The following PPM1B variants were observed in gnomAD, a reference collection of about 807,000 sequenced individuals.
PPM1B encodes protein phosphatase 1B.
A neutral mutation model predicts 43.0 loss-of-function variants in PPM1B; 22 were observed. The ratio of observed to expected loss-of-function variants is 0.51; its 90% CI spans 0.37 to 0.73. The LOEUF (loss-of-function observed/expected upper bound fraction) is 0.73. PPM1B is among the 30% of genes least tolerant of loss of function. The pLI, the probability that PPM1B is intolerant of heterozygous loss-of-function variation, is 0.00. For synonymous variants in PPM1B, 217 were observed against 197.9 expected (o/e 1.10, Z -0.81); for missense variants, 632 against 584.2 (o/e 1.08, Z -0.84).
At chr2:44,229,908 A>T in intron 5 of PPM1B, 1 of 1,254,042 alleles carries the variant, frequency 8.0e-7, no homozygotes. Context: ...AGTAAATACA[A>T]TTTTTATCCG....
chr2:44,177,541 C>T (rs1046268807), intron 1 of PPM1B, among the ~76,000 whole-genome samples: 4 of 151,308 alleles, frequency 2.6e-5, no homozygotes, highest in African/African-American at 4.9e-5. Context: ...GTCTCAGCCT[C>T]GTGAGTAGCT....
downstream of PPM1B, among the ~76,000 whole-genome samples, chr2:44,231,632 A>G (rs2104279996): frequency 6.6e-6 from 1 of 152,276 alleles, no homozygotes; most frequent in South Asian, 2.1e-4. Context: ...ATATTAAAAT[A>G]TATGTGTTGC....
intron 1 of PPM1B, among the ~76,000 whole-genome samples, chr2:44,199,027 G>T (rs1229981840): frequency 6.6e-6 from 1 of 152,038 alleles, no homozygotes; most frequent in African/African-American, 2.4e-5. Context: ...GGGAGGCCGA[G>T]GTGGGCAGAT....
downstream of PPM1B, among the ~76,000 whole-genome samples, chr2:44,245,098 C>T (rs1362123752): frequency 1.3e-5 from 2 of 152,026 alleles, no homozygotes; most frequent in Non-Finnish European, 2.9e-5. Context: ...ATTTTCTAGG[C>T]GCTTTCACAC....
At chr2:44,222,983 AC>A (rs1670043627) in intron 5 of PPM1B, among the ~76,000 whole-genome samples, 1 of 152,026 alleles carries the variant, frequency 6.6e-6, no homozygotes, top group African/African-American at 2.4e-5. Context: ...GGCACACAGC[AC>A]CACACTCGGC....
downstream of PPM1B, among the ~76,000 whole-genome samples, chr2:44,244,754 A>G (rs1670822840): frequency 6.7e-6 from 1 of 149,066 alleles, no homozygotes; most frequent in Admixed American, 6.7e-5. Flanking sequence ...CTTATATATT[A>G]GACCTTTTTT....
intron 1 of PPM1B, among the ~76,000 whole-genome samples, chr2:44,177,001 A>G (rs1667613090): frequency 6.6e-6 from 1 of 152,160 alleles, no homozygotes; most frequent in South Asian, 2.1e-4. Flanking sequence ...GCTGGTCTCA[A>G]ACTCCTGACC....
At chr2:44,243,433 C>A (rs1670793370) in intron 5 of PPM1B, among the ~76,000 whole-genome samples, 1 of 152,124 alleles carries the variant, frequency 6.6e-6, no homozygotes, top group Non-Finnish European at 1.5e-5. Context: ...GTTTCATCAA[C>A]CTTCAGTTGC....
chr2:44,183,533 A>G (rs1349125728), intron 1 of PPM1B, among the ~76,000 whole-genome samples: 1 of 152,220 alleles, frequency 6.6e-6, no homozygotes, highest in East Asian at 1.9e-4. Flanking sequence ...ACCTAAAACC[A>G]GAGGAAGCCA....
downstream of PPM1B, chr2:44,231,556 T>C (rs1172815599): frequency 2.9e-6 from 2 of 688,202 alleles, no homozygotes; most frequent in African/African-American, 3.9e-5. Flanking sequence ...GAAATTCATT[T>C]GTATTTATAT....
chr2:44,240,139 C>G (rs1205620331), intron 5 of PPM1B, among the ~76,000 whole-genome samples: 1 of 145,784 alleles, frequency 6.9e-6, no homozygotes, highest in African/African-American at 2.5e-5. Flanking sequence ...TCCCAAAGTA[C>G]TGGGAGTACA....
At chr2:44,212,322 C>T (rs1295129802) in intron 3 of PPM1B, among the ~76,000 whole-genome samples, 2 of 152,176 alleles carry the variant, frequency 1.3e-5, no homozygotes, top group African/African-American at 4.8e-5. Flanking sequence ...GTCAACCCAA[C>T]AAATCTGTCA....
chr2:44,171,544 T>C (rs967087472), intron 1 of PPM1B, among the ~76,000 whole-genome samples: 2 of 152,154 alleles, frequency 1.3e-5, no homozygotes, highest in Admixed American at 6.6e-5. Context: ...AAAGAGGCTA[T>C]ATAGGCCAGG....
Position 44,228,226 on chromosome 2 carries a change from C to T in PPM1B, c.1135-2187C>T, listed in dbSNP as rs1338079932. Among the ~76,000 whole-genome samples, 20 of 130,232 alleles carry T rather than the reference C, an allele frequency of 1.5e-4. 1 individual carries two copies. The highest frequency in any genetic ancestry group is 7.5e-4 in the South Asian group (3 of 3,978). The allele number at this position is 130,232 out of a possible 152,430, so 85.4% of individuals were successfully genotyped here. A position where few individuals can be genotyped will look rare whatever the true frequency, so the allele number is the denominator to read the frequency against. On this transcript the variant is annotated intron_variant, in intron 5 of 5. Coordinates refer to ENST00000282412, the MANE Select transcript of PPM1B (RefSeq NM_002706.6). ...TTTTTTTAAGAGGGTCTCACTCTGT[C>T]GTTCAGACTGGTGTTCATTGGTATG...
In PPM1B at chr2:44,220,746, A is replaced by G. The variant is rs117259855; in HGVS notation, c.1134+2209A>G. On this transcript the variant is annotated intron_variant, in intron 5 of 5. Transcript: ENST00000282412. ...CAAAATCCAGAATGTGACCATTGCC[A>G]TGTGACTTGGACAGTGATTGCTGTA... 2.0e-5 allele frequency among the ~76,000 whole-genome samples: 3 copies of G among 152,356 alleles called. No individual in the cohort carries two copies. In the East Asian group the frequency reaches 5.8e-4, roughly 29 times the overall value.
intron 1 of PPM1B, among the ~76,000 whole-genome samples, chr2:44,194,030 T>C (rs904020683): frequency 5.9e-5 from 9 of 152,030 alleles, no homozygotes; most frequent in Admixed American, 1.3e-4. Context: ...TTTTGTTTAT[T>C]TGTTTGTTTG....
chr2:44,234,883 T>C (rs1670569684), downstream of PPM1B, among the ~76,000 whole-genome samples: 1 of 152,212 alleles, frequency 6.6e-6, no homozygotes, highest in African/African-American at 2.4e-5. Context: ...AAAAATTCAG[T>C]GTAAAAAGGA....
rs536415803 is a variant in PPM1B at position 44,220,852 on chromosome 2, A to G, written c.1134+2315A>G. Among the ~76,000 whole-genome samples the G allele has an allele frequency of 6.8e-4, 104 of 152,370 alleles. No homozygotes were observed. In the Middle Eastern group the frequency reaches 0.027, roughly 40 times the overall value. On this transcript the variant is annotated intron_variant, in intron 5 of 5. Coordinates refer to ENST00000282412, the MANE Select transcript of PPM1B (RefSeq NM_002706.6). ...TTGAAGAATGATTTGAATGGTAGAA[A>G]TGACATGAGGATGATGACCTTTCAA... is the stretch of plus-strand genomic sequence containing the variant.
At chr2:44,191,612 A>T (rs1040383807) in intron 1 of PPM1B, among the ~76,000 whole-genome samples, 1 of 152,176 alleles carries the variant, frequency 6.6e-6, no homozygotes, top group South Asian at 2.1e-4. Context: ...ATACAAGTTA[A>T]TGTAGTCTAT....
Sources: gnomAD v4.1 joint callset for allele counts (sites outside exome capture counted in the v4.1 genomes callset) on GRCh38, gnomAD v4.1.1 for gene constraint, MANE v1.5 for transcripts, NCBI Gene and HGNC (gene_info 2026-07-23, HGNC 2026-07-21) for gene names.